MS4A4A: variants seen among roughly 807,000 people sequenced by gnomAD.
MS4A4A encodes the protein membrane-spanning 4-domains subfamily A member 4A.
MS4A4A carries 26 observed loss-of-function variants against 28.0 expected under a neutral mutation model. The observed-to-expected ratio is 0.93, with a 90% CI of 0.68 to 1.29. MS4A4A has a LOEUF of 1.29. Among genes scored for constraint, MS4A4A ranks in the 50% most tolerant of loss-of-function variants. The pLI, the probability that MS4A4A is intolerant of heterozygous loss-of-function variation, is 0.00. For missense variants in MS4A4A, 290 were observed against 293.1 expected, an observed-to-expected ratio of 0.99 and a Z score of 0.08; for synonymous variants, 86 against 100.8, an observed-to-expected ratio of 0.85 and a Z score of 0.88.
intron 6 of MS4A4A, 80 bp from the exon 7 acceptor site, chr11:60,308,027 T>C (rs1470029781): frequency 2.5e-5 from 30 of 1,207,880 alleles, no homozygotes; most frequent in Non-Finnish European, 3.5e-5. Context: ...ACTCTGATAA[T>C]GATGACTTTA....
At chr11:60,297,133 G>T in intron 2 of MS4A4A, 64 bp from the exon 3 acceptor site, 1 of 1,590,294 alleles carries the variant, frequency 6.3e-7, no homozygotes, top group Non-Finnish European at 8.6e-7. Context: ...TGATTGGAAA[G>T]GGGGTGGCGG....
chr11:60,306,174 T>C lies in MS4A4A; in HGVS notation c.621T>C (p.Cys207=), dbSNP rs2084998434. Residue 207 remains cysteine, a synonymous_variant, in exon 6 of 7, where the codon TGT becomes TGC. Transcript: ENST00000337908. ...CTGTGTCCCTCTCTGCCTTTGGATGTAAAGTGCTCTGTTGTACCCCTGGTG... is the reference window on the plus strand; with the variant it reads ...CTGTGTCCCTCTCTGCCTTTGGATGCAAAGTGCTCTGTTGTACCCCTGGTG... ...CIAVSLSAFG[C]KVLCCTPGGV... 2.5e-6 allele frequency: 4 copies of C among 1,614,022 alleles called. No individual in the cohort carries two copies. The East Asian group carries it at 8.9e-5, about 36-fold the overall frequency.
intron 2 of MS4A4A, 86 bp downstream of exon 2, chr11:60,292,470 C>G: frequency 1.5e-6 from 2 of 1,355,168 alleles, no homozygotes; most frequent in Non-Finnish European, 2.0e-6. Context: ...TCCCACTAGC[C>G]TCATAATACA....
chr11:60,288,577 A>T (rs756653082), intron 1 of MS4A4A, among the ~76,000 whole-genome samples: 2 of 152,106 alleles, frequency 1.3e-5, no homozygotes, highest in African/African-American at 2.4e-5. Context: ...AGCAGGTTAC[A>T]GTTGAAATTT....
chr11:60,290,252 G>A (rs1565144315), intron 1 of MS4A4A: 1 of 251,844 alleles, frequency 4.0e-6, no homozygotes, highest in African/African-American at 2.2e-5. Context: ...AGTAATTTAT[G>A]TTGTACACCT....
intron 5 of MS4A4A, among the ~76,000 whole-genome samples, chr11:60,304,308 C>G (rs989902086): frequency 6.6e-6 from 1 of 152,196 alleles, no homozygotes; most frequent in Non-Finnish European, 1.5e-5. Context: ...TGTGCAGTTA[C>G]TCAGGACTTC....
intron 1 of MS4A4A, among the ~76,000 whole-genome samples, chr11:60,282,226 AAC>A (rs2084760969): frequency 6.6e-6 from 1 of 152,200 alleles, no homozygotes; most frequent in African/African-American, 2.4e-5. Context: ...AGAGGCACTA[AAC>A]ACAGAGAGAG....
At position 60,308,411 on chromosome 11, in the gene MS4A4A, A is replaced by G. The variant is rs749975873; in HGVS notation, c.*233A>G. 5.3e-5 allele frequency: 24 copies of G among 452,916 alleles called. No homozygotes were observed. The highest frequency in any genetic ancestry group is 8.9e-5 in the Non-Finnish European group (23 of 257,988). 28.1% of individuals were successfully genotyped at this position (452,916 alleles called of 1,614,324 possible). A position where few individuals can be genotyped will look rare whatever the true frequency, so the allele number is the denominator to read the frequency against. On this transcript the variant is annotated 3_prime_UTR_variant, in exon 7 of 7. Coordinates refer to ENST00000337908, the MANE Select transcript of MS4A4A (RefSeq NM_148975.3). Reference sequence around the variant, plus strand: ...AACTCATTTCACTGGCTCTTTATCGAGAGTACTAGAAGTTAAATTAATAAA... The same window carrying G: ...AACTCATTTCACTGGCTCTTTATCGGGAGTACTAGAAGTTAAATTAATAAA...
chr11:60,286,762 C>T (rs1289950554), intron 1 of MS4A4A, among the ~76,000 whole-genome samples: 1 of 152,164 alleles, frequency 6.6e-6, no homozygotes, highest in African/African-American at 2.4e-5. Context: ...AACTATGTTT[C>T]TTCTTAAGGC....
At chr11:60,288,634 A>G (rs2084823330) in intron 1 of MS4A4A, among the ~76,000 whole-genome samples, 2 of 152,148 alleles carry the variant, frequency 1.3e-5, no homozygotes, top group Non-Finnish European at 2.9e-5. Flanking sequence ...TCCCTGGGTG[A>G]TGGAGTGCCA....
At position 60,300,987 on chromosome 11, in the gene MS4A4A, T is replaced by TC. The variant is rs774450435; in HGVS notation, c.331-13dup. 10 of 1,590,570 alleles carry TC rather than the reference T, an allele frequency of 6.3e-6. No individual in the cohort carries two copies. The East Asian group carries it at 2.2e-4, about 36-fold the overall frequency. ...CTTAAAGTTTTTTACCTTCATTTTT[T>TC]CTCTCATTTTTAGTTTATTATTTCA... On this transcript the variant is annotated splice_polypyrimidine_tract_variant and intron_variant, in intron 3 of 6. Coordinates refer to ENST00000337908, the MANE Select transcript of MS4A4A (RefSeq NM_148975.3).
chr11:60,280,881 T>G (rs1181371970), intron 1 of MS4A4A, among the ~76,000 whole-genome samples, 165 bp downstream of exon 1: 1 of 151,988 alleles, frequency 6.6e-6, no homozygotes, highest in Non-Finnish European at 1.5e-5. Context: ...TAAATGTGCA[T>G]TCGGTGGGGG....
intron 2 of MS4A4A, 64 bp from the exon 3 acceptor site, chr11:60,297,132 AG>A (rs2084911965): frequency 6.9e-6 from 11 of 1,589,612 alleles, no homozygotes; most frequent in Non-Finnish European, 9.4e-6. Flanking sequence ...GTGATTGGAA[AG>A]GGGGTGGCGG....
chr11:60,302,843 A>G, intron 5 of MS4A4A, 126 bp downstream of exon 5: 2 of 889,760 alleles, frequency 2.2e-6, no homozygotes, highest in Non-Finnish European at 3.4e-6. Context: ...AGTGATTGAG[A>G]AATAGAATAA....
At chr11:60,294,224 T>TTTCATGCGTTTCTTTACCATCTC (rs2084882859) in intron 2 of MS4A4A, among the ~76,000 whole-genome samples, 2 of 152,220 alleles carry the variant, frequency 1.3e-5, no homozygotes. Context: ...TGGACCATCT[T>TTTCATGCGTTTCTTTACCATCTC]TTCATGCGTT....
intron 2 of MS4A4A, among the ~76,000 whole-genome samples, chr11:60,294,299 G>A (rs2084883523): frequency 6.6e-6 from 1 of 152,084 alleles, no homozygotes. Context: ...CATTTTTAAT[G>A]AGGACGTTTA....
In MS4A4A at chr11:60,297,304, C is replaced by T; in HGVS notation, c.309C>T (p.Tyr103=). ...GSNPISVYIG[Y]TIWGSVMFII... ...ACCCTATTTCCGTGTATATCGGGTA[C>T]ACAATTTGGGGGTCAGTAATGGTGA... The change falls in exon 3 of 7, where the codon TAC becomes TAT. Residue 103 remains tyrosine (Y), a synonymous_variant. Coordinates refer to ENST00000337908, the MANE Select transcript of MS4A4A (RefSeq NM_148975.3). 1 of 1,613,304 alleles carries T rather than the reference C, an allele frequency of 6.2e-7. No individual in the cohort carries two copies. The highest frequency in any genetic ancestry group is 8.5e-7 in the Non-Finnish European group (1 of 1,179,454).
At chr11:60,287,818 A>G (rs1189096654) in intron 1 of MS4A4A, among the ~76,000 whole-genome samples, 1 of 152,232 alleles carries the variant, frequency 6.6e-6, no homozygotes, top group Admixed American at 6.5e-5. Flanking sequence ...TTCTCAGTTC[A>G]AAAGAAATAA....
chr11:60,308,313 A>T lies in MS4A4A; in HGVS notation c.*135A>T. The T allele has an allele frequency of 1.3e-6, 1 of 748,540 alleles. No homozygotes were observed. Among genetic ancestry groups the T allele is most frequent in the Non-Finnish European group, 2.2e-6 (1 of 453,754 alleles). 46.4% of individuals were successfully genotyped at this position (748,540 alleles called of 1,614,324 possible). On this transcript the variant is annotated 3_prime_UTR_variant, in exon 7 of 7. Coordinates refer to ENST00000337908, the MANE Select transcript of MS4A4A (RefSeq NM_148975.3). ...TGATATTATTATTATATGTAATCCA[A>T]TTATGAACTGTGTGTGTATAGAGAG...
Sources: gnomAD v4.1 joint callset for allele counts (sites outside exome capture counted in the v4.1 genomes callset) on GRCh38, gnomAD v4.1.1 for gene constraint, MANE v1.5 for transcripts, NCBI Gene and HGNC (gene_info 2026-07-23, HGNC 2026-07-21) for gene names.